PACRG: variants seen among roughly 807,000 people sequenced by gnomAD.
PACRG encodes the protein parkin coregulated gene protein.
Under a neutral mutation model 29.7 loss-of-function variants are expected in PACRG, and 29 were observed. The observed-to-expected ratio is 0.98, with a 90% CI of 0.73 to 1.33. The LOEUF (loss-of-function observed/expected upper bound fraction) is 1.33, where lower values mean the gene tolerates loss of function less well. Ranked by LOEUF, PACRG falls within the 40% of genes most tolerant of loss-of-function variation. The pLI, the probability that PACRG is intolerant of heterozygous loss-of-function variation, is 0.00. For synonymous variants in PACRG, 116 were observed against 118.7 expected (o/e 0.98, Z 0.15); for missense variants, 279 against 316.2 (o/e 0.88, Z 0.89).
At chr6:163,044,042 G>C (rs1809044407) in intron 2 of PACRG, among the ~76,000 whole-genome samples, 1 of 152,190 alleles carries the variant, frequency 6.6e-6, no homozygotes, top group Admixed American at 6.5e-5. Flanking sequence ...TTAGAGAACA[G>C]GAAGAGGAAG....
At chr6:162,778,731 T>C (rs1458536671) in intron 1 of PACRG, among the ~76,000 whole-genome samples, 1 of 152,212 alleles carries the variant, frequency 6.6e-6, no homozygotes, top group Non-Finnish European at 1.5e-5. Flanking sequence ...GATTTCCTTC[T>C]GGAGAAGCTC....
intron 2 of PACRG, among the ~76,000 whole-genome samples, chr6:163,006,081 T>G (rs183442481): frequency 7.0e-6 from 1 of 143,230 alleles, no homozygotes; most frequent in Non-Finnish European, 1.5e-5. Flanking sequence ...TATATATGGG[T>G]TTTGTTTATA....
At chr6:163,052,210 G>A (rs1050641026) in intron 2 of PACRG, among the ~76,000 whole-genome samples, 7 of 152,084 alleles carry the variant, frequency 4.6e-5, no homozygotes, top group Admixed American at 3.3e-4. Flanking sequence ...TGCCTCAAGG[G>A]TTGAGAAACA....
intron 2 of PACRG, among the ~76,000 whole-genome samples, chr6:163,056,971 C>T (rs991984398): frequency 5.9e-5 from 9 of 152,186 alleles, no homozygotes; most frequent in African/African-American, 2.2e-4. Context: ...GAGGGAGGTT[C>T]ACAGGCTGTT....
At chr6:162,903,342 A>T (rs888257360) in intron 2 of PACRG, among the ~76,000 whole-genome samples, 15 of 152,150 alleles carry the variant, frequency 9.9e-5, no homozygotes, top group African/African-American at 3.6e-4. Context: ...TAAATACCCA[A>T]GTTTTTAATA....
chr6:162,809,398 C>T (rs1049064642), intron 1 of PACRG, among the ~76,000 whole-genome samples: 2 of 152,194 alleles, frequency 1.3e-5, no homozygotes, highest in Non-Finnish European at 2.9e-5. Flanking sequence ...GATTACATAT[C>T]ACCATGGATT....
At chr6:162,740,756 C>T (rs1051462372) in intron 1 of PACRG, among the ~76,000 whole-genome samples, 2 of 151,912 alleles carry the variant, frequency 1.3e-5, no homozygotes, top group Non-Finnish European at 1.5e-5. Flanking sequence ...CGCGCCACCA[C>T]GCCCAGCTAA....
intron 4 of PACRG, among the ~76,000 whole-genome samples, chr6:163,109,405 A>G (rs1388242243): frequency 6.6e-6 from 1 of 152,190 alleles, no homozygotes; most frequent in Non-Finnish European, 1.5e-5. Context: ...ATGCAGCAAA[A>G]ATTACATCTG....
intron 1 of PACRG, among the ~76,000 whole-genome samples, chr6:162,795,276 A>T (rs954752856): frequency 6.6e-6 from 1 of 151,658 alleles, no homozygotes; most frequent in African/African-American, 2.4e-5. Flanking sequence ...CCGCTGTATG[A>T]CTCTTTTTAG....
intron 2 of PACRG, among the ~76,000 whole-genome samples, chr6:162,841,828 TA>T (rs1789803701): frequency 6.6e-6 from 1 of 152,130 alleles, no homozygotes; most frequent in Non-Finnish European, 1.5e-5. Flanking sequence ...AGAACATCTT[TA>T]TTTCTGCCTT....
intron 2 of PACRG, among the ~76,000 whole-genome samples, chr6:162,986,311 A>G (rs1802885574): frequency 6.6e-6 from 1 of 152,228 alleles, no homozygotes; most frequent in Non-Finnish European, 1.5e-5. Context: ...ACCTCAAACT[A>G]TACTATAAGG....
chr6:162,867,181 G>GTCTTCTAGC (rs1201731447), intron 2 of PACRG, among the ~76,000 whole-genome samples: 2 of 152,130 alleles, frequency 1.3e-5, no homozygotes. Flanking sequence ...ATGCTCCCCA[G>GTCTTCTAGC]TCTTCTAGCC....
At chr6:162,892,786 G>A (rs1284439730) in intron 2 of PACRG, among the ~76,000 whole-genome samples, 2 of 152,220 alleles carry the variant, frequency 1.3e-5, no homozygotes, top group African/African-American at 4.8e-5. Flanking sequence ...AAAGTCGGGA[G>A]TGAGCAGGGG....
chr6:162,974,703 C>T (rs746161959), intron 2 of PACRG, among the ~76,000 whole-genome samples: 1 of 152,096 alleles, frequency 6.6e-6, no homozygotes, highest in Admixed American at 6.6e-5. Flanking sequence ...ACATATCATG[C>T]TTAGTGTATT....
At chr6:162,994,752 T>A (rs1260384795) in intron 2 of PACRG, among the ~76,000 whole-genome samples, 3 of 150,172 alleles carry the variant, frequency 2.0e-5, no homozygotes, top group Non-Finnish European at 4.4e-5. Flanking sequence ...GTCAAAGTCA[T>A]TCTCCATCCA....
intron 1 of PACRG, among the ~76,000 whole-genome samples, chr6:162,769,478 A>T (rs1562578849): frequency 6.6e-6 from 1 of 152,174 alleles, no homozygotes; most frequent in Non-Finnish European, 1.5e-5. Flanking sequence ...AGGACTAAGT[A>T]GTCTTAGGCA....
intron 2 of PACRG, among the ~76,000 whole-genome samples, chr6:163,016,675 A>G (rs559311967): frequency 6.6e-6 from 1 of 152,264 alleles, no homozygotes; most frequent in Non-Finnish European, 1.5e-5. Context: ...CAGGAAAGTT[A>G]CAGGATGAGA....
chr6:163,299,057 C>G (rs1014635277), intron 4 of PACRG, among the ~76,000 whole-genome samples: 4 of 152,198 alleles, frequency 2.6e-5, no homozygotes, highest in African/African-American at 9.7e-5. Flanking sequence ...TTACCGGACT[C>G]CTCTGCCAGA....
chr6:162,742,622 A>G (rs1197889952), intron 1 of PACRG, among the ~76,000 whole-genome samples: 3 of 151,872 alleles, frequency 2.0e-5, no homozygotes, highest in Non-Finnish European at 4.4e-5. Flanking sequence ...TCATTCCCTC[A>G]AGCACTTACT....
Sources: gnomAD v4.1 joint callset for allele counts (sites outside exome capture counted in the v4.1 genomes callset) on GRCh38, gnomAD v4.1.1 for gene constraint, MANE v1.5 for transcripts, NCBI Gene and HGNC (gene_info 2026-07-23, HGNC 2026-07-21) for gene names.